The following CHST8 variants were observed in gnomAD, a reference collection of about 807,000 sequenced individuals.
The protein encoded by CHST8 is carbohydrate sulfotransferase 8.
CHST8 carries 10 observed loss-of-function variants against 15.0 expected under a neutral mutation model. The observed-to-expected ratio is 0.67, with a 90% confidence interval of 0.41 to 1.13. The LOEUF (loss-of-function observed/expected upper bound fraction) is 1.13. CHST8 is among the 50% of genes most tolerant of loss of function. CHST8 has a pLI of 0.00. For synonymous variants in CHST8, 259 were observed against 256.6 expected, an observed-to-expected ratio of 1.01 and a Z score of -0.09; for missense variants, 634 against 608.2, an observed-to-expected ratio of 1.04 and a Z score of -0.45.
intron 1 of CHST8, among the ~76,000 whole-genome samples, chr19:33,633,414 C>G (rs1473958558): frequency 1.3e-5 from 2 of 152,052 alleles, no homozygotes; most frequent in African/African-American, 2.4e-5. Context: ...TTTTTAGAGA[C>G]AGGATCTTGC....
chr19:33,700,842 T>C (rs894861184), intron 3 of CHST8, among the ~76,000 whole-genome samples: 1 of 152,174 alleles, frequency 6.6e-6, no homozygotes, highest in East Asian at 1.9e-4. Flanking sequence ...TTCTGGGGTA[T>C]GGTTCACATA....
chr19:33,666,817 C>T (rs1313135409), intron 1 of CHST8, among the ~76,000 whole-genome samples: 1 of 152,178 alleles, frequency 6.6e-6, no homozygotes, highest in Non-Finnish European at 1.5e-5. Context: ...ATTCCCCTGT[C>T]TCAGCCTCCC....
chr19:33,733,857 C>T (rs369964019), intron 3 of CHST8, among the ~76,000 whole-genome samples: 32 of 152,346 alleles, frequency 2.1e-4, no homozygotes, highest in East Asian at 7.7e-4. Flanking sequence ...ACTTTCTCAA[C>T]GGCCCACACA....
chr19:33,746,376 C>T (rs1192082081), intron 3 of CHST8, among the ~76,000 whole-genome samples: 1 of 152,216 alleles, frequency 6.6e-6, no homozygotes, highest in Non-Finnish European at 1.5e-5. Flanking sequence ...CCGGCAACCA[C>T]TGATCTTATT....
At chr19:33,725,523 G>T (rs1045600843) in intron 3 of CHST8, among the ~76,000 whole-genome samples, 4 of 152,182 alleles carry the variant, frequency 2.6e-5, no homozygotes, top group African/African-American at 9.7e-5. Flanking sequence ...CCTGCCCTGA[G>T]CTCAGTGAGC....
At chr19:33,720,068 C>T (rs1358118370) in intron 3 of CHST8, among the ~76,000 whole-genome samples, 2 of 152,158 alleles carry the variant, frequency 1.3e-5, no homozygotes, top group East Asian at 1.9e-4. Flanking sequence ...TCTGTACACA[C>T]AGCTCCTCCG....
At chr19:33,672,984 C>T (rs1972761420) in intron 2 of CHST8, among the ~76,000 whole-genome samples, 3 of 152,182 alleles carry the variant, frequency 2.0e-5, no homozygotes. Flanking sequence ...CTCCCTGTGA[C>T]CCCATGAGAT....
chr19:33,736,006 A>G lies in CHST8; in HGVS notation c.131-35407A>G, dbSNP rs548213705. On this transcript the variant is annotated intron_variant, in intron 3 of 4. Transcript: ENST00000650847. The stretch of plus-strand genomic sequence containing the variant: ...AGAGACTGCTCCCTGCTGCAGGGCC[A>G]GGGATGGCTTCAGCCCAACGATGCT... Among the ~76,000 whole-genome samples, 224 of 152,330 alleles carry G rather than the reference A, an allele frequency of 1.5e-3. 2 individuals are homozygous for G. The highest frequency in any genetic ancestry group is 2.1e-3 in the Non-Finnish European group (143 of 68,028).
rs34970478 is a variant in CHST8, at chr19:33,639,086, CAA to C, written c.-164+16812_-164+16813del. On this transcript the variant is annotated intron_variant, in intron 1 of 4. Coordinates refer to ENST00000650847, the MANE Select transcript of CHST8 (RefSeq NM_001127895.2). ...CTAGCACACAGCAGGTGATCCTGACCAAAAAAAAAAAAAAAAAAAAAAAGAGG... is the reference window on the plus strand; with the variant it reads ...CTAGCACACAGCAGGTGATCCTGACCAAAAAAAAAAAAAAAAAAAAAGAGG... Among the ~76,000 whole-genome samples, 37 of 64,658 alleles carry C rather than the reference CAA, an allele frequency of 5.7e-4. 1 individual carries two copies. The highest frequency in any genetic ancestry group is 2.6e-3 in the East Asian group (6 of 2,352). 42.4% of individuals were successfully genotyped at this position (64,658 alleles called of 152,430 possible). A position where few individuals can be genotyped will look rare whatever the true frequency, so the allele number is the denominator to read the frequency against.
intron 2 of CHST8, among the ~76,000 whole-genome samples, chr19:33,679,072 C>T (rs912166913): frequency 1.1e-4 from 16 of 152,238 alleles, no homozygotes; most frequent in African/African-American, 3.6e-4. Context: ...GCAGCCAAGG[C>T]TTCTTGCCAT....
At chr19:33,709,927 G>A (rs2145291776) in intron 3 of CHST8, among the ~76,000 whole-genome samples, 1 of 152,224 alleles carries the variant, frequency 6.6e-6, no homozygotes, top group Middle Eastern at 3.4e-3. Context: ...TCCTGCCTCA[G>A]CCTCCTAAGT....
chr19:33,748,751 A>C, intron 3 of CHST8, among the ~76,000 whole-genome samples: 1 of 152,062 alleles, frequency 6.6e-6, no homozygotes, highest in Non-Finnish European at 1.5e-5. Flanking sequence ...AGGCAGGTAA[A>C]TTGCTGCCGC....
chr19:33,690,383 C>T (rs1295993057), intron 3 of CHST8, among the ~76,000 whole-genome samples: 1 of 152,130 alleles, frequency 6.6e-6, no homozygotes, highest in Non-Finnish European at 1.5e-5. Flanking sequence ...AAGCCCAGAG[C>T]ACAGGAAGGG....
At chr19:33,655,568 TG>T (rs1048012173) in intron 1 of CHST8, among the ~76,000 whole-genome samples, 6 of 152,050 alleles carry the variant, frequency 3.9e-5, no homozygotes, top group Non-Finnish European at 5.9e-5. Context: ...CCTTTGGGGG[TG>T]GGGAGGACTG....
At position 33,641,358 on chromosome 19, in the gene CHST8, C is replaced by T. The variant is rs1972281406; in HGVS notation, c.-164+19062C>T. 2.0e-5 allele frequency among the ~76,000 whole-genome samples: 3 copies of T among 152,274 alleles called. 1 individual carries two copies. In the South Asian group the frequency reaches 6.2e-4, roughly 32 times the overall value. On this transcript the variant is annotated intron_variant, in intron 1 of 4. Transcript: ENST00000650847. ...CCGAGACCCCTTCTTGAGGTCAGGA[C>T]TGGGGGTGAGGCACTGACCAGCTTC...
At chr19:33,759,669 A>G (rs1164021859) in intron 3 of CHST8, among the ~76,000 whole-genome samples, 3 of 152,122 alleles carry the variant, frequency 2.0e-5, no homozygotes, top group Non-Finnish European at 4.4e-5. Flanking sequence ...GGATGTCTGC[A>G]CTTGGGAGAC....
chr19:33,678,446 G>A (rs1972838181), intron 2 of CHST8, among the ~76,000 whole-genome samples: 1 of 152,192 alleles, frequency 6.6e-6, no homozygotes. Context: ...GGAAAATCAT[G>A]CTGGACTGGT....
chr19:33,703,193 C>T (rs1244885987), intron 3 of CHST8, among the ~76,000 whole-genome samples: 5 of 152,222 alleles, frequency 3.3e-5, no homozygotes, highest in African/African-American at 1.2e-4. Flanking sequence ...TCCCCTTCCC[C>T]CAGCCTCACT....
chr19:33,725,231 C>G (rs1279601317), intron 3 of CHST8, among the ~76,000 whole-genome samples: 8 of 152,020 alleles, frequency 5.3e-5, no homozygotes, highest in Admixed American at 5.2e-4. Context: ...AAGAGGTCCC[C>G]GTGGGGAAGG....
Sources: allele counts gnomAD v4.1 joint callset (sites outside exome capture counted in the v4.1 genomes callset), GRCh38; gene constraint gnomAD v4.1.1; transcripts MANE v1.5; gene names NCBI Gene and HGNC (gene_info 2026-07-23, HGNC 2026-07-21).